The following CLIP1 variants were observed in gnomAD, a reference collection of about 807,000 sequenced individuals.
CLIP1 encodes CAP-Gly domain-containing linker protein 1.
A neutral mutation model predicts 161.6 loss-of-function variants in CLIP1; 66 were observed. The observed-to-expected ratio is 0.41, with a 90% CI of 0.33 to 0.50. The LOEUF (loss-of-function observed/expected upper bound fraction) is 0.50, where lower values mean the gene tolerates loss of function less well. CLIP1 is among the 20% of genes least tolerant of loss of function. The pLI is 0.27. For synonymous variants in CLIP1, 598 were observed against 626.2 expected, an observed-to-expected ratio of 0.96 and a Z score of 0.67; for missense variants, 1,376 against 1,702.0, an observed-to-expected ratio of 0.81 and a Z score of 3.37.
intron 10 of CLIP1, among the ~76,000 whole-genome samples, chr12:122,344,792 A>G (rs1337449663): frequency 6.6e-6 from 1 of 152,208 alleles, no homozygotes; most frequent in Non-Finnish European, 1.5e-5. Context: ...AACTGGATTT[A>G]TTGGCTAGAA....
rs1335453315 is a variant in CLIP1, at chr12:122,422,570, A to G, written c.-156T>C. 2.7e-5 allele frequency: 4 copies of G among 148,846 alleles called. No homozygotes were observed. The highest frequency in any genetic ancestry group is 3.6e-4 in the South Asian group (2 of 5,572). The allele number at this position is 148,846 out of a possible 1,614,324, so 9.2% of individuals were successfully genotyped here. A position where few individuals can be genotyped will look rare whatever the true frequency, so the allele number is the denominator to read the frequency against. ...CCACCTGTCCCACTGCAGCAGCAGCAGCCGCCGCGGCCGCCGCCTCCCGCC... is the reference window on the plus strand; with the variant it reads ...CCACCTGTCCCACTGCAGCAGCAGCGGCCGCCGCGGCCGCCGCCTCCCGCC... On this transcript the variant is annotated 5_prime_UTR_variant, in exon 1 of 26. Transcript: ENST00000620786.
At chr12:122,341,762 CTTTTTTTTTTTTTTTTTTTTTTTTTTTTT>C in intron 10 of CLIP1, 65 bp from the exon 11 acceptor site, 2 of 94,500 alleles carry the variant, frequency 2.1e-5, no homozygotes, top group East Asian at 1.8e-4. Context: ...ATTTTCTTTT[CTTTTTTTTTTTTTTTTTTTTTTTTTTTTT>C]TTTTTTTTTG....
chr12:122,291,803 G>A (rs1211656255), intron 20 of CLIP1, among the ~76,000 whole-genome samples: 1 of 152,136 alleles, frequency 6.6e-6, no homozygotes, highest in Admixed American at 6.5e-5. Context: ...TGGGGGATAC[G>A]TTTTGAAACT....
At chr12:122,314,781 C>A (rs538961517) in intron 19 of CLIP1, among the ~76,000 whole-genome samples, 3 of 152,286 alleles carry the variant, frequency 2.0e-5, no homozygotes, top group Admixed American at 2.0e-4. Context: ...TAATCTGTAC[C>A]TGCACCCTGC....
Position 122,341,762 on chromosome 12 carries a change from CTTTTTTTTTTTTTTTTTTTTTTTT to C in CLIP1, c.1507-89_1507-66del, listed in dbSNP as rs57202144. The stretch of plus-strand genomic sequence containing the variant: ...AACAAGTCATTGACTATTTTCTTTT[CTTTTTTTTTTTTTTTTTTTTTTTT>C]TTTTTTTTTTTTTTGAGATGGAGTT... On this transcript the variant is annotated intron_variant, in intron 10 of 25. Transcript: ENST00000620786. The C allele has an allele frequency of 2.3e-3, 222 of 98,588 alleles. 3 individuals carry two copies. Among genetic ancestry groups the C allele is most frequent in the Non-Finnish European group, 3.1e-3 (149 of 48,140 alleles). 6.1% of individuals were successfully genotyped at this position (98,588 alleles called of 1,614,324 possible).
At chr12:122,320,516 C>G (rs1280460041) in intron 17 of CLIP1, among the ~76,000 whole-genome samples, 1 of 151,820 alleles carries the variant, frequency 6.6e-6, no homozygotes, top group East Asian at 2.0e-4. Flanking sequence ...CCGAGGCAGG[C>G]AGATCACAAG....
Position 122,278,185 on chromosome 12 carries a change from G to T in CLIP1, c.3935C>A (p.Ala1312Glu). The T allele has an allele frequency of 1.9e-6, 3 of 1,598,412 alleles. No homozygotes were observed. The highest frequency in any genetic ancestry group is 2.6e-6 in the Non-Finnish European group (3 of 1,174,674). Residue 1312 changes from alanine (A) to glutamate (E), a missense_variant, in exon 24 of 26, where the codon GCA (alanine) becomes GAA (glutamate). Physicochemically the swap from Ala to Glu is moderately radical, Grantham distance 107 (BLOSUM62 -1). Transcript: ENST00000620786. ...CTCCTGGGCTCTTTCATCCTCGTCT[G>T]CCTGAGTGTCTGTATTACCTTATAT... ...SSSSGNTDTQ[A>E]DEDERAQESQ...
At chr12:122,349,530 A>G (rs549424078) in intron 9 of CLIP1, among the ~76,000 whole-genome samples, 19 of 152,288 alleles carry the variant, frequency 1.2e-4, no homozygotes, top group Admixed American at 1.2e-3. Flanking sequence ...GGCTGGTCTC[A>G]AACTCCTGAC....
In CLIP1 at chr12:122,351,141, T is replaced by A; in HGVS notation, c.1371A>T (p.Gln457His). Reference protein sequence around the residue: ...EESITKGDLEQKSQISEDPEN... With the variant: ...EESITKGDLEHKSQISEDPEN... Reference sequence around the variant, plus strand: ...CAGGATCTTCAGAAATCTGGCTCTTTTGCTATCAGTAAAAAAATAAAAAAA... The same window carrying A: ...CAGGATCTTCAGAAATCTGGCTCTTATGCTATCAGTAAAAAAATAAAAAAA... Residue 457 changes from glutamine (Q) to histidine (H), a missense_variant and splice_region_variant, in exon 9 of 26, where the codon CAA (glutamine) becomes CAT (histidine). By Grantham distance (24) the Gln-to-His change is conservative. Coordinates refer to ENST00000620786, the MANE Select transcript of CLIP1 (RefSeq NM_001247997.2). The A allele has an allele frequency of 6.7e-7, 1 of 1,496,694 alleles. No individual in the cohort carries two copies. The highest frequency in any genetic ancestry group is 8.8e-7 in the Non-Finnish European group (1 of 1,131,058). The allele number at this position is 1,496,694 out of a possible 1,614,324, so 92.7% of individuals were successfully genotyped here. A position where few individuals can be genotyped will look rare whatever the true frequency, so the allele number is the denominator to read the frequency against.
chr12:122,402,323 A>G (rs1479009561), intron 1 of CLIP1, among the ~76,000 whole-genome samples: 1 of 152,194 alleles, frequency 6.6e-6, no homozygotes, highest in Non-Finnish European at 1.5e-5. Context: ...CTCCATCTCT[A>G]CAAAATTTTT....
chr12:122,408,141 C>A (rs1249404712), intron 1 of CLIP1, among the ~76,000 whole-genome samples: 6 of 148,738 alleles, frequency 4.0e-5, no homozygotes, highest in Non-Finnish European at 4.4e-5. Flanking sequence ...GAGGCTGAGG[C>A]AGGACAATCA....
At chr12:122,317,279 C>T (rs1374487807) in intron 18 of CLIP1, among the ~76,000 whole-genome samples, 4 of 152,130 alleles carry the variant, frequency 2.6e-5, no homozygotes, top group South Asian at 2.1e-4. Context: ...ATTTAGGATA[C>T]GATATTTTTC....
At chr12:122,343,646 C>G (rs528641943) in intron 10 of CLIP1, 33 of 152,256 alleles carry the variant, frequency 2.2e-4, no homozygotes, top group African/African-American at 7.2e-4. Flanking sequence ...AAGTTTCTAC[C>G]TATTCCCATG....
At chr12:122,352,186 T>C (rs1173370915) in intron 8 of CLIP1, among the ~76,000 whole-genome samples, 6 of 151,784 alleles carry the variant, frequency 4.0e-5, no homozygotes, top group Non-Finnish European at 1.5e-5. Flanking sequence ...GCCTCCCAAG[T>C]AGCTGGGATT....
intron 19 of CLIP1, among the ~76,000 whole-genome samples, chr12:122,312,936 G>A (rs1593040707): frequency 6.6e-6 from 1 of 152,180 alleles, no homozygotes; most frequent in East Asian, 1.9e-4. Context: ...GAGCTCTGAG[G>A]AATAAGACTA....
At chr12:122,379,518 A>C (rs954270361) in intron 2 of CLIP1, among the ~76,000 whole-genome samples, 1 of 151,570 alleles carries the variant, frequency 6.6e-6, no homozygotes, top group African/African-American at 2.4e-5. Context: ...GGACGCTGAG[A>C]GCCATGACAG....
At chr12:122,407,492 T>C (rs1405257089) in intron 1 of CLIP1, among the ~76,000 whole-genome samples, 1 of 151,736 alleles carries the variant, frequency 6.6e-6, no homozygotes, top group Non-Finnish European at 1.5e-5. Flanking sequence ...GAAGATCACT[T>C]GAGCCCAGGA....
At chr12:122,419,356 G>C (rs1232402311) in intron 1 of CLIP1, among the ~76,000 whole-genome samples, 1 of 150,386 alleles carries the variant, frequency 6.6e-6, no homozygotes, top group Non-Finnish European at 1.5e-5. Context: ...GCAACAGAGT[G>C]AGACTCTGTC....
At chr12:122,365,246 T>G in intron 3 of CLIP1, 1 of 537,744 alleles carries the variant, frequency 1.9e-6, no homozygotes, top group Non-Finnish European at 3.2e-6. Flanking sequence ...AATAATAAAA[T>G]AAAAATAAAA....
Sources: allele counts gnomAD v4.1 joint callset (sites outside exome capture counted in the v4.1 genomes callset), GRCh38; gene constraint gnomAD v4.1.1; transcripts MANE v1.5; gene names NCBI Gene and HGNC (gene_info 2026-07-23, HGNC 2026-07-21).